LRRC37A: variants seen among roughly 807,000 people sequenced by gnomAD.
The protein encoded by LRRC37A is leucine-rich repeat-containing protein 37A.
LRRC37A carries 3 observed loss-of-function variants against 35.4 expected under a neutral mutation model. The observed-to-expected ratio is 0.08, with a 90% CI of 0.04 to 0.22. The LOEUF is 0.22. LRRC37A is among the 10% of genes least tolerant of loss of function. The probability of loss-of-function intolerance (pLI) is 1.00; values close to 1 mark genes in which losing one functional copy is unlikely to be tolerated. For synonymous variants in LRRC37A, 23 were observed against 215.0 expected (o/e 0.11, Z 7.81); for missense variants, 67 against 565.3 (o/e 0.12, Z 8.94).
At chr17:46,255,200 C>T in the LRRC37A span, among the ~76,000 whole-genome samples, 1 of 152,094 alleles carries the variant, frequency 6.6e-6, no homozygotes, top group Non-Finnish European at 1.5e-5. Flanking sequence ...AACTCCTGGG[C>T]TCAAGTGATC....
chr17:46,332,893 C>T (rs1238608962), intron 10 of LRRC37A, among the ~76,000 whole-genome samples: 6 of 151,348 alleles, frequency 4.0e-5, no homozygotes, highest in African/African-American at 1.2e-4. Flanking sequence ...TCCCACTAGA[C>T]TATTTTAAGA....
chr17:46,276,647 A>T, the LRRC37A span, among the ~76,000 whole-genome samples: 1 of 152,258 alleles, frequency 6.6e-6, no homozygotes, highest in South Asian at 2.1e-4. Context: ...AAATTCTGGA[A>T]ACCCATAATA....
At chr17:46,269,077 C>A in the LRRC37A span, among the ~76,000 whole-genome samples, 1 of 152,132 alleles carries the variant, frequency 6.6e-6, no homozygotes, top group African/African-American at 2.4e-5. Context: ...ATGTATCAAA[C>A]CTGATTTTAT....
intron 7 of LRRC37A, among the ~76,000 whole-genome samples, chr17:46,327,404 C>CT (rs1290820106): frequency 3.2e-5 from 1 of 30,824 alleles, no homozygotes; most frequent in African/African-American, 6.8e-5. Context: ...TGGGGAAACT[C>CT]TGTCACTACT....
chr17:46,270,000 A>G, the LRRC37A span, among the ~76,000 whole-genome samples: 1 of 152,242 alleles, frequency 6.6e-6, no homozygotes, highest in African/African-American at 2.4e-5. Flanking sequence ...TAGCTAAATT[A>G]AATATTGATT....
At chr17:46,284,359 G>C in the LRRC37A span, among the ~76,000 whole-genome samples, 2 of 152,228 alleles carry the variant, frequency 1.3e-5, no homozygotes, top group African/African-American at 2.4e-5. Context: ...CTGCCTTCAA[G>C]CATCTGTTTA....
chr17:46,250,422 A>G, the LRRC37A span, among the ~76,000 whole-genome samples: 4 of 152,224 alleles, frequency 2.6e-5, no homozygotes, highest in East Asian at 5.8e-4. Flanking sequence ...GGAGATTAAC[A>G]TTTGAGTCAG....
the LRRC37A span, among the ~76,000 whole-genome samples, chr17:46,260,875 G>C: frequency 6.6e-6 from 1 of 152,234 alleles, no homozygotes; most frequent in East Asian, 1.9e-4. Context: ...CACCCACCTC[G>C]GCCTCGCATA....
chr17:46,277,492 C>T, the LRRC37A span, among the ~76,000 whole-genome samples: 1 of 152,180 alleles, frequency 6.6e-6, no homozygotes, highest in Non-Finnish European at 1.5e-5. Flanking sequence ...GAGGAATAAC[C>T]ACCATGTACA....
chr17:46,249,587 A>G, the LRRC37A span, among the ~76,000 whole-genome samples: 1 of 152,202 alleles, frequency 6.6e-6, no homozygotes, highest in Non-Finnish European at 1.5e-5. Flanking sequence ...GTTGCCAACA[A>G]TGGAAACAAA....
chr17:46,259,289 G>A, the LRRC37A span, among the ~76,000 whole-genome samples: 1 of 150,732 alleles, frequency 6.6e-6, no homozygotes, highest in African/African-American at 2.4e-5. Context: ...GTGGGATAAG[G>A]AATGGCCATG....
At chr17:46,270,837 T>G in the LRRC37A span, among the ~76,000 whole-genome samples, 1 of 152,258 alleles carries the variant, frequency 6.6e-6, no homozygotes, top group Non-Finnish European at 1.5e-5. Flanking sequence ...TAGGCAGAGG[T>G]TGCAGTGAGC....
the LRRC37A span, among the ~76,000 whole-genome samples, chr17:46,275,744 C>CGT: frequency 6.6e-6 from 1 of 151,798 alleles, no homozygotes; most frequent in African/African-American, 2.4e-5. Context: ...GTGAAAGGTG[C>CGT]GTGTGTGTGT....
At chr17:46,257,444 C>T in the LRRC37A span, among the ~76,000 whole-genome samples, 1 of 114,360 alleles carries the variant, frequency 8.7e-6, no homozygotes, top group Admixed American at 9.9e-5. Context: ...CAGAGTTAGA[C>T]TCTGTCTCAA....
At chr17:46,271,931 G>A in the LRRC37A span, among the ~76,000 whole-genome samples, 1 of 152,128 alleles carries the variant, frequency 6.6e-6, no homozygotes, top group Non-Finnish European at 1.5e-5. Flanking sequence ...CAGCTAAATT[G>A]TTGTATTTTT....
chr17:46,272,668 G>A, the LRRC37A span, among the ~76,000 whole-genome samples: 1 of 152,116 alleles, frequency 6.6e-6, no homozygotes, highest in African/African-American at 2.4e-5. Context: ...CCCCTGCCTC[G>A]GCCTCCCAAA....
chr17:46,263,854 CA>C, the LRRC37A span, among the ~76,000 whole-genome samples: 17,917 of 95,606 alleles, frequency 0.19, 1,575 homozygotes, highest in African/African-American at 0.38. Flanking sequence ...GACTCTGTCT[CA>C]AAAAAAAAAA....
the LRRC37A span, chr17:46,260,563 TTCACCC>T: frequency 6.4e-7 from 1 of 1,552,764 alleles, no homozygotes; most frequent in African/African-American, 1.3e-5. Flanking sequence ...CAGCGCCGCC[TTCACCC>T]TCTCACACCA....
upstream of LRRC37A, among the ~76,000 whole-genome samples, chr17:46,290,305 T>A (rs2050031909): frequency 6.6e-6 from 1 of 152,072 alleles, no homozygotes; most frequent in Non-Finnish European, 1.5e-5. Context: ...AAATTCCTTT[T>A]TGTAGAAACA....
Sources: allele counts gnomAD v4.1 joint callset (sites outside exome capture counted in the v4.1 genomes callset), GRCh38; gene constraint gnomAD v4.1.1; transcripts MANE v1.5; gene names NCBI Gene and HGNC (gene_info 2026-07-23, HGNC 2026-07-21).